The following KIF13A variants were observed in gnomAD, a reference collection of about 807,000 sequenced individuals.
The protein encoded by KIF13A is kinesin-like protein KIF13A.
KIF13A carries 79 observed loss-of-function variants against 212.2 expected under a neutral mutation model. That is an observed-to-expected ratio of 0.37 (90% CI 0.31 to 0.45). The LOEUF is 0.45. Among genes scored for constraint, KIF13A ranks in the 20% least tolerant of loss-of-function variants. KIF13A has a pLI of 1.00. For missense variants in KIF13A, 1,901 were observed against 2,209.0 expected (o/e 0.86, Z 2.79); for synonymous variants, 789 against 808.6 (o/e 0.98, Z 0.41).
Position 17,834,200 on chromosome 6 carries a change from G to C in KIF13A, c.1156-129C>G. The C allele has an allele frequency of 1.7e-6, 1 of 574,342 alleles. No individual in the cohort carries two copies. The allele number at this position is 574,342 out of a possible 1,614,324, so 35.6% of individuals were successfully genotyped here. A position where few individuals can be genotyped will look rare whatever the true frequency, so the allele number is the denominator to read the frequency against. On this transcript the variant is annotated intron_variant, in intron 11 of 38. Transcript: ENST00000259711. This position sits in a 1 kb window ranked among gnomAD's most constrained non-coding sequence, Gnocchi z 4.0. The stretch of plus-strand genomic sequence containing the variant: ...GAAAAAATTAAGTTATATGCTGTTA[G>C]GGTGGGTTTTTAACCTTTATTAATC...
chr6:17,981,690 G>A (rs537648833), intron 2 of KIF13A, among the ~76,000 whole-genome samples: 5 of 152,118 alleles, frequency 3.3e-5, no homozygotes, highest in Admixed American at 2.0e-4. Flanking sequence ...CCAAAGTGCT[G>A]GGATTACAGG....
Position 17,771,273 on chromosome 6 carries a change from A to G in KIF13A, c.4477-55T>C. ...ACACACAAAGACGACAACGGCCAAA[A>G]TACATATTAAGTACATGCAAGTTAG... On this transcript the variant is annotated intron_variant, in intron 37 of 38. Transcript: ENST00000259711. The surrounding 1 kb of genome is among the most constrained non-coding windows in gnomAD (Gnocchi z 5.4). 2 of 1,118,872 alleles carry G rather than the reference A, an allele frequency of 1.8e-6. No individual in the cohort carries two copies. The highest frequency in any genetic ancestry group is 1.3e-5 in the South Asian group (1 of 76,622). The allele number at this position is 1,118,872 out of a possible 1,614,324, so 69.3% of individuals were successfully genotyped here.
intron 3 of KIF13A, among the ~76,000 whole-genome samples, chr6:17,879,828 C>T (rs934381101): frequency 3.3e-5 from 5 of 152,142 alleles, no homozygotes; most frequent in African/African-American, 1.2e-4. Context: ...AGGTTTGTTA[C>T]AAAAGGAGAC....
chr6:17,819,062 C>T (rs1220990075), intron 16 of KIF13A, among the ~76,000 whole-genome samples: 6 of 145,290 alleles, frequency 4.1e-5, no homozygotes, highest in East Asian at 2.1e-4. Context: ...TGCAGTGGCG[C>T]GATCTCGGCT....
At chr6:17,801,531 A>G (rs1425718492) in intron 20 of KIF13A, among the ~76,000 whole-genome samples, 3 of 152,132 alleles carry the variant, frequency 2.0e-5, no homozygotes, top group South Asian at 2.1e-4. Flanking sequence ...AACAACAACA[A>G]CAGCAACAAA....
chr6:17,958,477 A>G (rs983217053), intron 2 of KIF13A, among the ~76,000 whole-genome samples: 5 of 152,220 alleles, frequency 3.3e-5, no homozygotes, highest in Non-Finnish European at 5.9e-5. Context: ...ATATCTATAA[A>G]TAGGCAAATA....
At chr6:17,820,091 T>TG (rs1210926870) in intron 16 of KIF13A, among the ~76,000 whole-genome samples, 1 of 152,112 alleles carries the variant, frequency 6.6e-6, no homozygotes, top group East Asian at 1.9e-4. Context: ...CCCAAATGAC[T>TG]GGGGCAGAGG....
intron 2 of KIF13A, among the ~76,000 whole-genome samples, chr6:17,922,608 T>A (rs1306093650): frequency 1.4e-5 from 2 of 145,222 alleles, no homozygotes; most frequent in Non-Finnish European, 1.5e-5. Flanking sequence ...ATGAAAAACT[T>A]AAAAAAAAAA....
intron 25 of KIF13A, among the ~76,000 whole-genome samples, chr6:17,791,722 G>A (rs946780147): frequency 1.3e-5 from 2 of 151,828 alleles, no homozygotes; most frequent in Non-Finnish European, 2.9e-5. Context: ...CCAACATGGT[G>A]AAACCCGTCT....
chr6:17,800,675 A>G (rs1046536659), intron 20 of KIF13A, among the ~76,000 whole-genome samples: 7 of 149,186 alleles, frequency 4.7e-5, no homozygotes, highest in African/African-American at 1.7e-4. Context: ...ATCTCGGCTC[A>G]CTGCAACCTC....
intron 4 of KIF13A, among the ~76,000 whole-genome samples, chr6:17,857,509 C>T (rs112337960): frequency 0.079 from 12,086 of 152,202 alleles, 603 homozygotes; most frequent in Non-Finnish European, 0.11. Flanking sequence ...TTTCCCGAGG[C>T]CTCCCCAGTC....
chr6:17,822,647 T>A (rs1764566097), intron 16 of KIF13A, among the ~76,000 whole-genome samples: 1 of 152,246 alleles, frequency 6.6e-6, no homozygotes, highest in Admixed American at 6.5e-5. Context: ...GTCTAGATTC[T>A]GTAACGTCCG....
Position 17,811,038 on chromosome 6 carries a change from A to T in KIF13A, c.2001-2108T>A, listed in dbSNP as rs1282698576. 6.6e-6 allele frequency among the ~76,000 whole-genome samples: 1 copy of T among 152,212 alleles called. No homozygotes were observed. The highest frequency in any genetic ancestry group is 1.5e-5 in the Non-Finnish European group (1 of 68,030). On this transcript the variant is annotated intron_variant, in intron 17 of 38. Transcript: ENST00000259711. This position sits in a 1 kb window ranked among gnomAD's most constrained non-coding sequence, Gnocchi z 6.0. ...AGTTCTTTTGCAGTCTCCCAAATAC[A>T]TCTTAATTCTCTTCCATTGCTTCTC... is the stretch of plus-strand genomic sequence containing the variant.
At chr6:17,821,552 G>GGTGTGTGTGTGT (rs111387037) in intron 16 of KIF13A, among the ~76,000 whole-genome samples, 1,887 of 112,054 alleles carry the variant, frequency 0.017, 123 homozygotes, top group Middle Eastern at 0.044. Context: ...ATTGGGACAT[G>GGTGTGTGTGTGT]GTGTGTGTGT....
At chr6:17,952,009 A>G (rs1777887853) in intron 2 of KIF13A, among the ~76,000 whole-genome samples, 2 of 152,192 alleles carry the variant, frequency 1.3e-5, no homozygotes, top group African/African-American at 4.8e-5. Flanking sequence ...ATTTATATTA[A>G]GAAACTATAG....
chr6:17,794,674 C>T lies in KIF13A; in HGVS notation c.2973G>A (p.Met991Ile), dbSNP rs749421370. 5 of 1,610,496 alleles carry T rather than the reference C, an allele frequency of 3.1e-6. No individual in the cohort carries two copies. In the African/African-American group the frequency reaches 6.7e-5, roughly 22 times the overall value. ...CATTCAATTCTAATATGGAGATCCACATTTCTATTCTTCGCGTTACTTCAT... is the reference window on the plus strand; with the variant it reads ...CATTCAATTCTAATATGGAGATCCATATTTCTATTCTTCGCGTTACTTCAT... ...RWNEVTRRIE[M>I]WISILELNEL... Residue 991 changes from methionine to isoleucine, a missense_variant, in exon 24 of 39, where the codon ATG becomes ATA. By Grantham distance (10) the Met-to-Ile change is conservative. Around this residue, in one of 5 missense-constraint regions of KIF13A, gnomAD observed 168 missense variants for 250.9 expected, o/e 0.67. Coordinates refer to ENST00000259711, the MANE Select transcript of KIF13A (RefSeq NM_022113.6). This position sits in a 1 kb window ranked among gnomAD's most constrained non-coding sequence, Gnocchi z 4.1.
At position 17,781,265 on chromosome 6, in the gene KIF13A, G is replaced by C; in HGVS notation, c.3581C>G (p.Pro1194Arg). The change falls in exon 30 of 39, where the codon CCC becomes CGC. Residue 1194 changes from proline to arginine, a missense_variant. This residue lies in a region of KIF13A where 687 missense variants were observed against 759.1 expected (regional missense o/e 0.90). Transcript: ENST00000259711. ...GATGGAGTTCACGCCGGATGCATGG[G>C]GGCCAACAAGCTGCTCATTGGCACT... ...DLSANEQLVG[P>R]HASGVNSILP... is the part of the protein sequence containing the mutation. The C allele has an allele frequency of 6.2e-7, 1 of 1,613,098 alleles. No individual in the cohort carries two copies. The highest frequency in any genetic ancestry group is 8.5e-7 in the Non-Finnish European group (1 of 1,179,576).
intron 16 of KIF13A, among the ~76,000 whole-genome samples, chr6:17,819,094 G>A (rs1029437223): frequency 2.0e-5 from 3 of 149,888 alleles, no homozygotes; most frequent in East Asian, 4.0e-4. Context: ...CCACCTCCCA[G>A]GTTCAAGCCA....
At chr6:17,894,621 A>G (rs1273149060) in intron 3 of KIF13A, among the ~76,000 whole-genome samples, 1 of 152,114 alleles carries the variant, frequency 6.6e-6, no homozygotes, top group Non-Finnish European at 1.5e-5. Flanking sequence ...CCAATTATTA[A>G]CATCTTTATT....
Sources: allele counts gnomAD v4.1 joint callset (sites outside exome capture counted in the v4.1 genomes callset), GRCh38; gene constraint gnomAD v4.1.1; regional missense constraint gnomAD v4.1.1; non-coding constraint Gnocchi (gnomAD v3.1); transcripts MANE v1.5; gene names NCBI Gene and HGNC (gene_info 2026-07-23, HGNC 2026-07-21).